DNER: variants seen among roughly 807,000 people sequenced by gnomAD.
DNER encodes delta/notch like EGF repeat containing, also known as delta and Notch-like epidermal growth factor-related receptor.
A neutral mutation model predicts 78.2 loss-of-function variants in DNER; 33 were observed. The ratio of observed to expected loss-of-function variants is 0.42; its 90% CI spans 0.32 to 0.56. The LOEUF is 0.56. Among genes scored for constraint, DNER ranks in the 20% least tolerant of loss-of-function variants. The pLI is 0.11. For synonymous variants in DNER, 417 were observed against 384.8 expected, an observed-to-expected ratio of 1.08 and a Z score of -0.98; for missense variants, 918 against 975.3, an observed-to-expected ratio of 0.94 and a Z score of 0.78.
intron 12 of DNER, among the ~76,000 whole-genome samples, chr2:229,362,636 C>T (rs1692241829): frequency 1.3e-5 from 2 of 152,138 alleles, no homozygotes; most frequent in South Asian, 4.1e-4. Flanking sequence ...TACATGGTCC[C>T]CTACATTCTT....
At chr2:229,696,152 G>A (rs1699659607) in intron 1 of DNER, among the ~76,000 whole-genome samples, 1 of 152,112 alleles carries the variant, frequency 6.6e-6, no homozygotes, top group Non-Finnish European at 1.5e-5. Context: ...CCCTGCTTTG[G>A]CTCATCAAGC....
intron 6 of DNER, among the ~76,000 whole-genome samples, chr2:229,497,392 AG>A (rs1276676163): frequency 2.6e-4 from 40 of 152,228 alleles, no homozygotes; most frequent in Middle Eastern, 6.8e-3. Flanking sequence ...TAAAGAAGCT[AG>A]ACAAAGAACA....
intron 6 of DNER, among the ~76,000 whole-genome samples, chr2:229,501,100 G>T (rs769517127): frequency 6.6e-6 from 1 of 152,062 alleles, no homozygotes; most frequent in South Asian, 2.1e-4. Context: ...ACTCATAGAA[G>T]TAGAGAGAAT....
chr2:229,554,972 AAGGGAAGG>A (rs1298674243), intron 4 of DNER, among the ~76,000 whole-genome samples: 13 of 146,722 alleles, frequency 8.9e-5, no homozygotes, highest in Non-Finnish European at 1.6e-4. Flanking sequence ...AAGGGAAGGG[AAGGGAAGG>A]GAAGGGAAGG....
chr2:229,432,681 G>A (rs1265086393), intron 8 of DNER, among the ~76,000 whole-genome samples: 1 of 152,110 alleles, frequency 6.6e-6, no homozygotes, highest in Non-Finnish European at 1.5e-5. Flanking sequence ...GAACTAGTTA[G>A]AAATGCGTGT....
At chr2:229,648,237 G>A (rs1269154706) in intron 1 of DNER, among the ~76,000 whole-genome samples, 1 of 152,168 alleles carries the variant, frequency 6.6e-6, no homozygotes, top group African/African-American at 2.4e-5. Flanking sequence ...ATACGGGACT[G>A]TACCAGGATC....
rs1697603204 is a variant in DNER at position 229,591,378 on chromosome 2, G to A, written c.585+202C>T. On this transcript the variant is annotated intron_variant, in intron 2 of 12. Transcript: ENST00000341772. The surrounding 1 kb of genome is among the most constrained non-coding windows in gnomAD (Gnocchi z 4.6). ...TGGATACCATTCCAAAAAATAATTT[G>A]ATTCATTTTTTTGTTTACTCTTTTT... Among the ~76,000 whole-genome samples the A allele has an allele frequency of 6.6e-6, 1 of 152,120 alleles. No homozygotes were observed. The highest frequency in any genetic ancestry group is 2.1e-4 in the South Asian group (1 of 4,822).
intron 10 of DNER, among the ~76,000 whole-genome samples, chr2:229,400,770 T>C (rs1396138928): frequency 2.0e-5 from 3 of 152,100 alleles, no homozygotes. Flanking sequence ...GTAGCTACTT[T>C]ACCCTTAAAG....
chr2:229,483,927 C>T (rs1379727565), intron 6 of DNER, among the ~76,000 whole-genome samples: 1 of 152,176 alleles, frequency 6.6e-6, no homozygotes, highest in East Asian at 1.9e-4. Flanking sequence ...TCCCTGGAGG[C>T]CCCTGTTGTA....
chr2:229,384,272 G>C (rs989242787), intron 11 of DNER, among the ~76,000 whole-genome samples: 2 of 152,186 alleles, frequency 1.3e-5, no homozygotes, highest in Non-Finnish European at 2.9e-5. Context: ...TGTTTAGAGG[G>C]AAATTTATAG....
At chr2:229,381,688 G>C (rs750952001) in intron 11 of DNER, among the ~76,000 whole-genome samples, 2 of 152,176 alleles carry the variant, frequency 1.3e-5, no homozygotes, top group Non-Finnish European at 2.9e-5. Context: ...GGAGCCCACC[G>C]CAGCACTGCA....
chr2:229,596,391 G>T (rs866828094), intron 1 of DNER, among the ~76,000 whole-genome samples: 5 of 152,212 alleles, frequency 3.3e-5, no homozygotes, highest in Admixed American at 6.5e-5. Context: ...AGGAGTAAAA[G>T]CTCTGTCGAC....
intron 11 of DNER, among the ~76,000 whole-genome samples, chr2:229,374,257 G>GC (rs1001389559): frequency 1.0e-5 from 1 of 96,574 alleles, no homozygotes; most frequent in South Asian, 3.6e-4. Flanking sequence ...AGGAAAGGAA[G>GC]GGGGGAAATG....
At chr2:229,416,603 C>A (rs1161998543) in intron 9 of DNER, among the ~76,000 whole-genome samples, 2 of 152,176 alleles carry the variant, frequency 1.3e-5, no homozygotes, top group African/African-American at 2.4e-5. Flanking sequence ...CCCTCTGCCT[C>A]CTAGGGTCAG....
chr2:229,397,412 A>C (rs1476097012), intron 10 of DNER, among the ~76,000 whole-genome samples: 1 of 146,068 alleles, frequency 6.8e-6, no homozygotes, highest in Admixed American at 7.1e-5. Flanking sequence ...GGGGCAGCCT[A>C]ACAAGACAAA....
intron 7 of DNER, among the ~76,000 whole-genome samples, chr2:229,463,158 C>T (rs1397535785): frequency 1.3e-5 from 2 of 152,090 alleles, no homozygotes; most frequent in Non-Finnish European, 2.9e-5. Flanking sequence ...GAACCAGGTT[C>T]TTTCCTCTCA....
chr2:229,496,736 C>A (rs191031788), intron 6 of DNER, among the ~76,000 whole-genome samples: 4 of 152,060 alleles, frequency 2.6e-5, no homozygotes, highest in Non-Finnish European at 5.9e-5. Flanking sequence ...ACAAAGGGGT[C>A]AATTCAATAA....
intron 12 of DNER, among the ~76,000 whole-genome samples, chr2:229,362,649 G>A (rs1489647242): frequency 6.6e-6 from 1 of 152,190 alleles, no homozygotes; most frequent in Non-Finnish European, 1.5e-5. Context: ...ACATTCTTGT[G>A]AGATGCTTGC....
chr2:229,632,074 G>A (rs13388208), intron 1 of DNER, among the ~76,000 whole-genome samples: 6,950 of 152,186 alleles, frequency 0.046, 208 homozygotes, highest in Middle Eastern at 0.078. Flanking sequence ...AAAATATAGC[G>A]CTGTGAATGT....
Sources: gnomAD v4.1 joint callset for allele counts (sites outside exome capture counted in the v4.1 genomes callset) on GRCh38, gnomAD v4.1.1 for gene constraint, Gnocchi (gnomAD v3.1) non-coding constraint, MANE v1.5 for transcripts, NCBI Gene and HGNC (gene_info 2026-07-23, HGNC 2026-07-21) for gene names.